Variants in ABR observed in about 807,000 individuals in gnomAD.
ABR encodes the protein active breakpoint cluster region-related protein.
A neutral mutation model predicts 107.2 loss-of-function variants in ABR; 35 were observed. That is an observed-to-expected ratio of 0.33 (90% CI 0.25 to 0.43). ABR has a LOEUF of 0.43. ABR is among the 20% of genes least tolerant of loss of function. The pLI is 1.00. For synonymous variants in ABR, 498 were observed against 462.0 expected, an observed-to-expected ratio of 1.08 and a Z score of -1.00; for missense variants, 815 against 1,115.2, an observed-to-expected ratio of 0.73 and a Z score of 3.83.
chr17:1,113,448 G>T (rs1047832157), intron 2 of ABR, among the ~76,000 whole-genome samples: 2 of 151,982 alleles, frequency 1.3e-5, no homozygotes, highest in South Asian at 4.2e-4. Context: ...CACCAGGCCC[G>T]GCTAATTTTT....
At chr17:1,219,112 G>A (rs766607847) in intron 1 of ABR, among the ~76,000 whole-genome samples, 2 of 152,120 alleles carry the variant, frequency 1.3e-5, no homozygotes, top group African/African-American at 2.4e-5. Context: ...GCGCGATCTC[G>A]GCTCACTGCA....
chr17:1,108,042 A>T (rs2038374979), intron 2 of ABR, among the ~76,000 whole-genome samples: 2 of 152,164 alleles, frequency 1.3e-5, no homozygotes, highest in African/African-American at 4.8e-5. Flanking sequence ...CATGCCTTCT[A>T]GGCCCCGCCG....
intron 16 of ABR, among the ~76,000 whole-genome samples, chr17:1,015,345 G>A (rs2071060809): frequency 6.6e-6 from 1 of 150,896 alleles, no homozygotes; most frequent in Admixed American, 6.6e-5. Context: ...CTTGAACCCA[G>A]GAGGTGGAGG....
In ABR at chr17:1,005,277, C is replaced by T. The variant is rs2069936485; in HGVS notation, c.*803G>A. 2.5e-6 allele frequency: 1 copy of T among 398,066 alleles called. No individual in the cohort carries two copies. The highest frequency in any genetic ancestry group is 4.4e-6 in the Non-Finnish European group (1 of 225,998). 24.7% of individuals were successfully genotyped at this position (398,066 alleles called of 1,614,324 possible). On this transcript the variant is annotated 3_prime_UTR_variant, in exon 23 of 23. Transcript: ENST00000302538. ...GCAGTAGAAGAAACAGTCAGAGATG[C>T]CTCACTGATAGACAGGAGGCCGAAC...
Position 1,007,161 on chromosome 17 carries a change from G to A in ABR, c.2490+4C>T, listed in dbSNP as rs2586305. The A allele has an allele frequency of 0.3, 262,496 of 878,456 alleles. 58,750 individuals are homozygous for A. Among genetic ancestry groups the A allele is most frequent in the Middle Eastern group, 0.38 (1,406 of 3,698 alleles). 54.4% of individuals were successfully genotyped at this position (878,456 alleles called of 1,614,324 possible). On this transcript the variant is annotated splice_donor_region_variant and intron_variant, in intron 22 of 22. Transcript: ENST00000302538. Reference sequence around the variant, plus strand: ...AGCCACGGGCCCGGGCGGTGCCAGGGTACCTGCGCCATGACGTCATGGGAC... The same window carrying A: ...AGCCACGGGCCCGGGCGGTGCCAGGATACCTGCGCCATGACGTCATGGGAC...
chr17:1,094,534 C>CTAGTTTTTG (rs921911592), intron 3 of ABR, among the ~76,000 whole-genome samples: 4 of 152,180 alleles, frequency 2.6e-5, no homozygotes, highest in East Asian at 3.9e-4. Context: ...CCCCGCCCAG[C>CTAGTTTTTG]TAGTTTTTGT....
At chr17:1,061,814 T>G (rs889063222) in intron 10 of ABR, among the ~76,000 whole-genome samples, 1 of 152,220 alleles carries the variant, frequency 6.6e-6, no homozygotes, top group East Asian at 1.9e-4. Flanking sequence ...CCCAAAGTAC[T>G]GGGATTACCG....
At chr17:1,100,126 TAA>T (rs59004026) in intron 3 of ABR, among the ~76,000 whole-genome samples, 1,847 of 110,134 alleles carry the variant, frequency 0.017, 29 homozygotes, top group African/African-American at 0.044. Context: ...AGCTCCGTCT[TAA>T]AAAAAAAAAA....
At chr17:1,115,984 TG>T (rs2038968489) in intron 2 of ABR, among the ~76,000 whole-genome samples, 1 of 149,626 alleles carries the variant, frequency 6.7e-6, no homozygotes, top group African/African-American at 2.5e-5. Context: ...CCCAGCACTT[TG>T]GGAGGCCGAG....
intron 1 of ABR, among the ~76,000 whole-genome samples, chr17:1,155,260 T>C (rs1022789771): frequency 7.2e-5 from 11 of 152,150 alleles, no homozygotes; most frequent in African/African-American, 2.6e-4. Context: ...AACCCACATA[T>C]CTATGGTCGA....
At position 1,058,657 on chromosome 17, in the gene ABR, T is replaced by G. The variant is rs1431091979; in HGVS notation, c.1305+88A>C. On this transcript the variant is annotated intron_variant, in intron 11 of 22. Transcript: ENST00000302538. ...AGGAAGAGGGGGCCTGAGTTTCCGG[T>G]TCGTACAGGTCAGGGCCAGGAGCCA... The G allele has an allele frequency of 2.0e-6, 3 of 1,508,840 alleles. No homozygotes were observed. In the African/African-American group the frequency reaches 4.2e-5, roughly 21 times the overall value. The allele number at this position is 1,508,840 out of a possible 1,614,324, so 93.5% of individuals were successfully genotyped here. A position where few individuals can be genotyped will look rare whatever the true frequency, so the allele number is the denominator to read the frequency against.
At chr17:1,141,409 T>C (rs1456495884) in intron 1 of ABR, among the ~76,000 whole-genome samples, 1 of 152,206 alleles carries the variant, frequency 6.6e-6, no homozygotes, top group Non-Finnish European at 1.5e-5. Flanking sequence ...ACCTTAGCCA[T>C]GTGACCTTGG....
In ABR at chr17:1,050,198, C is replaced by A; in HGVS notation, c.1660-17G>T. On this transcript the variant is annotated splice_polypyrimidine_tract_variant and intron_variant, in intron 15 of 22. Coordinates refer to ENST00000302538, the MANE Select transcript of ABR (RefSeq NM_021962.5). The surrounding 1 kb of genome is among the most constrained non-coding windows in gnomAD (Gnocchi z 4.6). ...CTCAAACTCCTGGGGAAAGATGGGA[C>A]AAAGGGCCCTGAACCTCCGAAGCTG... The A allele has an allele frequency of 6.2e-7, 1 of 1,608,336 alleles. No homozygotes were observed.
intron 1 of ABR, among the ~76,000 whole-genome samples, chr17:1,143,397 G>C (rs1555602388): frequency 1.0e-4 from 1 of 9,610 alleles, no homozygotes; most frequent in Non-Finnish European, 1.9e-4. Flanking sequence ...GGGACAGCTC[G>C]CTCCTGGGGG....
At chr17:1,055,925 T>A in intron 14 of ABR, 110 bp downstream of exon 14, 1 of 1,051,238 alleles carries the variant, frequency 9.5e-7, no homozygotes. Context: ...GTTTCTGGCC[T>A]CCAGGGGAAT....
At chr17:1,122,852 G>A (rs1447772858) in intron 2 of ABR, among the ~76,000 whole-genome samples, 1 of 152,194 alleles carries the variant, frequency 6.6e-6, no homozygotes, top group African/African-American at 2.4e-5. Context: ...CCCGTTGGCT[G>A]CATATTTGGG....
chr17:1,032,334 A>G (rs1386498743), intron 16 of ABR, among the ~76,000 whole-genome samples: 2 of 152,168 alleles, frequency 1.3e-5, no homozygotes, highest in African/African-American at 4.8e-5. Flanking sequence ...GGCACTCAGA[A>G]GCCTCCTCAG....
intron 1 of ABR, among the ~76,000 whole-genome samples, chr17:1,168,995 C>T (rs1187452089): frequency 1.3e-5 from 2 of 152,230 alleles, no homozygotes; most frequent in Non-Finnish European, 2.9e-5. Flanking sequence ...GGCTGTTCCA[C>T]GCGGCTGGGT....
intron 16 of ABR, among the ~76,000 whole-genome samples, chr17:1,035,341 T>TC (rs373981581): frequency 7.1e-4 from 51 of 71,458 alleles, no homozygotes; most frequent in African/African-American, 2.9e-3. Context: ...CTAAACCTGC[T>TC]CCCCCCCACC....
Sources: gnomAD v4.1 joint callset for allele counts (sites outside exome capture counted in the v4.1 genomes callset) on GRCh38, gnomAD v4.1.1 for gene constraint, Gnocchi (gnomAD v3.1) non-coding constraint, MANE v1.5 for transcripts, NCBI Gene and HGNC (gene_info 2026-07-23, HGNC 2026-07-21) for gene names.